Variants in RNF111 observed in about 807,000 individuals in gnomAD.
The protein encoded by RNF111 is E3 ubiquitin-protein ligase Arkadia.
Under a neutral mutation model 95.1 loss-of-function variants are expected in RNF111, and 17 were observed. The ratio of observed to expected loss-of-function variants is 0.18; its 90% confidence interval spans 0.12 to 0.27. RNF111 has a LOEUF of 0.27. Ranked by LOEUF, RNF111 falls within the 10% of genes least tolerant of loss-of-function variation. RNF111 has a pLI of 1.00. For missense variants in RNF111, 1,189 were observed against 1,210.4 expected, an observed-to-expected ratio of 0.98 and a Z score of 0.26; for synonymous variants, 440 against 414.8, an observed-to-expected ratio of 1.06 and a Z score of -0.74.
At chr15:59,043,948 A>G (rs1165506902) in intron 2 of RNF111, among the ~76,000 whole-genome samples, 1 of 152,210 alleles carries the variant, frequency 6.6e-6, no homozygotes, top group African/African-American at 2.4e-5. Flanking sequence ...TAAACTTTCT[A>G]AGCTTCAGTT....
intron 1 of RNF111, among the ~76,000 whole-genome samples, chr15:59,018,551 G>GA (rs201749960): frequency 0.024 from 3,649 of 151,250 alleles, 82 homozygotes; most frequent in African/African-American, 0.051. Context: ...TTACTTTTTA[G>GA]AAAAAAAACA....
chr15:59,017,834 T>C (rs535488008), intron 1 of RNF111, among the ~76,000 whole-genome samples: 4 of 150,170 alleles, frequency 2.7e-5, no homozygotes, highest in Non-Finnish European at 5.9e-5. Flanking sequence ...CTCGGCTCTC[T>C]GCAACCTCCA....
Position 59,072,607 on chromosome 15 carries a change from C to T in RNF111, c.1687-3347C>T, listed in dbSNP as rs545058175. Among the ~76,000 whole-genome samples the T allele has an allele frequency of 9.2e-5, 14 of 151,804 alleles. 1 individual carries two copies. Among genetic ancestry groups the T allele is most frequent in the African/African-American group, 2.2e-4 (9 of 41,410 alleles). ...CTGGGACTACAGGTGCCCGCCACCA[C>T]GCCTGGCTAATTTTTTTGTATTTTT... On this transcript the variant is annotated intron_variant, in intron 6 of 13. Coordinates refer to ENST00000348370, the MANE Select transcript of RNF111 (RefSeq NM_017610.8).
chr15:59,012,802 AAT>A (rs1168011631), intron 1 of RNF111, among the ~76,000 whole-genome samples: 1 of 151,012 alleles, frequency 6.6e-6, no homozygotes, highest in Non-Finnish European at 1.5e-5. Context: ...GCAGTGGCAC[AAT>A]CTCAGCTCAC....
chr15:59,058,686 C>A, intron 5 of RNF111, 136 bp downstream of exon 5: 1 of 752,852 alleles, frequency 1.3e-6, no homozygotes, highest in Non-Finnish European at 2.2e-6. Flanking sequence ...CATATGTTAT[C>A]AAGGTAGTCT....
At chr15:59,000,724 A>AG (rs1468580607) in intron 1 of RNF111, among the ~76,000 whole-genome samples, 93 of 151,878 alleles carry the variant, frequency 6.1e-4, no homozygotes, top group Non-Finnish European at 5.9e-5. Flanking sequence ...AAAAAAAAAA[A>AG]GATAACTGCT....
chr15:59,003,601 C>T (rs139999361), intron 1 of RNF111, among the ~76,000 whole-genome samples: 3 of 152,120 alleles, frequency 2.0e-5, no homozygotes, highest in African/African-American at 4.8e-5. Flanking sequence ...AGGGTTTTGC[C>T]GTGTTGCCCA....
intron 1 of RNF111, among the ~76,000 whole-genome samples, chr15:59,001,833 A>AC (rs2039337193): frequency 6.6e-6 from 1 of 152,060 alleles, no homozygotes; most frequent in Non-Finnish European, 1.5e-5. Context: ...ACAGTCCAAG[A>AC]CCCCCAGTAG....
chr15:59,060,807 A>ATTATTTT (rs775493353), intron 5 of RNF111, among the ~76,000 whole-genome samples: 1 of 144,244 alleles, frequency 6.9e-6, no homozygotes, highest in African/African-American at 2.6e-5. Context: ...TATTATTATT[A>ATTATTTT]TTTTTTTTTT....
intron 2 of RNF111, among the ~76,000 whole-genome samples, chr15:59,047,720 C>T (rs1376203267): frequency 6.6e-6 from 1 of 151,990 alleles, no homozygotes; most frequent in Admixed American, 6.6e-5. Flanking sequence ...GGACTACAGG[C>T]ATGTGCTACC....
At chr15:59,009,690 C>G (rs913979173) in intron 1 of RNF111, among the ~76,000 whole-genome samples, 4 of 151,982 alleles carry the variant, frequency 2.6e-5, no homozygotes, top group Admixed American at 2.0e-4. Context: ...CACAGTGGCT[C>G]ATGCCTGTAA....
In RNF111 at chr15:59,076,084, C is replaced by T. The variant is rs754141488; in HGVS notation, c.1817C>T (p.Ala606Val). ...CGAGCTGCAATCTTTGGCCATCAGG[C>T]CGCTGCTGCTGCCCCAAGTCAACCT... The part of the protein sequence containing the change: ...SSRAAIFGHQ[A>V]AAAAPSQPLS... Residue 606 changes from alanine to valine, a missense_variant, in exon 7 of 14, where the codon GCC becomes GTC. Ala to Val is a moderately conservative substitution (Grantham distance 64, BLOSUM62 0). Coordinates refer to ENST00000348370, the MANE Select transcript of RNF111 (RefSeq NM_017610.8). The T allele has an allele frequency of 1.2e-6, 2 of 1,614,168 alleles. No homozygotes were observed. The highest frequency in any genetic ancestry group is 3.3e-5 in the Admixed American group (2 of 60,024).
intron 13 of RNF111, among the ~76,000 whole-genome samples, chr15:59,093,735 C>T (rs1312317106): frequency 6.6e-6 from 1 of 151,704 alleles, no homozygotes; most frequent in Middle Eastern, 3.2e-3. Context: ...TATAACAGAA[C>T]CTTGTAGTAA....
chr15:59,003,914 A>T (rs1202183413), intron 1 of RNF111: 1 of 163,486 alleles, frequency 6.1e-6, no homozygotes, highest in East Asian at 1.8e-4. Context: ...ATTGTCAGTG[A>T]TACTGTATCT....
At chr15:59,002,302 C>G (rs532820086) in intron 1 of RNF111, among the ~76,000 whole-genome samples, 2 of 152,292 alleles carry the variant, frequency 1.3e-5, no homozygotes, top group African/African-American at 4.8e-5. Flanking sequence ...TAAAGATCAA[C>G]TCTTAAACTT....
intron 1 of RNF111, among the ~76,000 whole-genome samples, chr15:58,994,761 G>A (rs1471903894): frequency 2.6e-5 from 4 of 151,966 alleles, no homozygotes; most frequent in African/African-American, 7.3e-5. Context: ...GAGCCTTTGC[G>A]CCTGGCCCCT....
At chr15:58,997,804 G>A (rs2039144422) in intron 1 of RNF111, among the ~76,000 whole-genome samples, 1 of 149,520 alleles carries the variant, frequency 6.7e-6, no homozygotes, top group Non-Finnish European at 1.5e-5. Context: ...GACAGTGTGA[G>A]ACTCCATCTC....
intron 1 of RNF111, among the ~76,000 whole-genome samples, chr15:59,007,222 C>T (rs970170175): frequency 6.6e-6 from 1 of 152,076 alleles, no homozygotes; most frequent in South Asian, 2.1e-4. Flanking sequence ...ATGCTCCTTC[C>T]TTGTCAGTCC....
intron 5 of RNF111, among the ~76,000 whole-genome samples, chr15:59,066,151 A>G (rs1412989725): frequency 2.0e-5 from 3 of 152,196 alleles, no homozygotes; most frequent in African/African-American, 4.8e-5. Context: ...AAACTTTTAA[A>G]ATACAGTTTT....
Sources: gnomAD v4.1 joint callset for allele counts (sites outside exome capture counted in the v4.1 genomes callset) on GRCh38, gnomAD v4.1.1 for gene constraint, MANE v1.5 for transcripts, NCBI Gene and HGNC (gene_info 2026-07-23, HGNC 2026-07-21) for gene names.